The following DLG2 variants were observed in gnomAD, a reference collection of about 807,000 sequenced individuals.
The protein encoded by DLG2 is disks large homolog 2.
Under a neutral mutation model 132.5 loss-of-function variants are expected in DLG2, and 45 were observed. The ratio of observed to expected loss-of-function variants is 0.34; its 90% CI spans 0.27 to 0.44. DLG2 has a LOEUF of 0.44. DLG2 is among the 20% of genes least tolerant of loss of function. The pLI, the probability that DLG2 is intolerant of heterozygous loss-of-function variation, is 1.00. For missense variants in DLG2, 1,045 were observed against 1,196.9 expected (o/e 0.87, Z 1.87); for synonymous variants, 424 against 419.6 (o/e 1.01, Z -0.13).
intron 11 of DLG2, among the ~76,000 whole-genome samples, chr11:83,991,774 C>T (rs2093727927): frequency 1.3e-5 from 2 of 152,098 alleles, no homozygotes; most frequent in South Asian, 4.1e-4. Context: ...ACTCACATGG[C>T]ATCTGTTATA....
intron 2 of DLG2, among the ~76,000 whole-genome samples, chr11:85,608,396 C>G (rs1258138190): frequency 6.6e-6 from 1 of 152,142 alleles, no homozygotes; most frequent in East Asian, 1.9e-4. Context: ...GGAAGTATAA[C>G]TTACAATACT....
chr11:84,027,961 CCA>C (rs369387941), intron 11 of DLG2, among the ~76,000 whole-genome samples: 258 of 151,872 alleles, frequency 1.7e-3, no homozygotes, highest in African/African-American at 5.7e-3. Flanking sequence ...CAATAATCTA[CCA>C]GTGACAACAT....
At chr11:83,844,511 G>A (rs1565308910) in intron 16 of DLG2, among the ~76,000 whole-genome samples, 1 of 113,438 alleles carries the variant, frequency 8.8e-6, no homozygotes, top group African/African-American at 3.5e-5. Flanking sequence ...TCGCATCACT[G>A]CACTTTAGCT....
intron 7 of DLG2, among the ~76,000 whole-genome samples, chr11:84,457,721 C>G (rs897298098): frequency 3.3e-5 from 5 of 150,908 alleles, no homozygotes; most frequent in African/African-American, 1.2e-4. Context: ...ATTCTTCTCT[C>G]TCACGTTTTT....
chr11:85,516,412 C>T (rs1175148044), intron 3 of DLG2, among the ~76,000 whole-genome samples: 3 of 151,870 alleles, frequency 2.0e-5, no homozygotes, highest in Admixed American at 6.6e-5. Context: ...GGAACCAAAA[C>T]TGCAACTAGC....
At chr11:84,600,554 G>A (rs1310123949) in intron 6 of DLG2, among the ~76,000 whole-genome samples, 3 of 152,128 alleles carry the variant, frequency 2.0e-5, no homozygotes, top group Non-Finnish European at 2.9e-5. Context: ...TGGTTATGAG[G>A]ATATGACTAG....
chr11:84,041,412 T>G (rs1360068303), intron 11 of DLG2, among the ~76,000 whole-genome samples: 1 of 151,980 alleles, frequency 6.6e-6, no homozygotes, highest in South Asian at 2.1e-4. Context: ...CCAGCCTCCT[T>G]CAGCTCTCAG....
At chr11:85,020,931 T>G (rs1439085649) in intron 6 of DLG2, 1 of 772,082 alleles carries the variant, frequency 1.3e-6, no homozygotes. Context: ...TGCACCGCCC[T>G]CAGACTCCAA....
intron 6 of DLG2, among the ~76,000 whole-genome samples, chr11:85,059,065 T>A: frequency 6.6e-6 from 1 of 150,840 alleles, no homozygotes; most frequent in African/African-American, 2.4e-5. Flanking sequence ...AAAAGGAAAA[T>A]GCAAGAAAAA....
At chr11:85,352,944 A>G (rs1254467759) in intron 3 of DLG2, among the ~76,000 whole-genome samples, 3 of 152,230 alleles carry the variant, frequency 2.0e-5, no homozygotes, top group Admixed American at 6.5e-5. Context: ...CTTCATGTCT[A>G]AAACACCAAA....
intron 15 of DLG2, among the ~76,000 whole-genome samples, chr11:83,907,475 T>A (rs2075233942): frequency 6.6e-6 from 1 of 152,288 alleles, no homozygotes; most frequent in African/African-American, 2.4e-5. Context: ...GAACGAGAGT[T>A]ATTTTCAAAT....
chr11:84,900,326 A>T (rs940791081), intron 6 of DLG2, among the ~76,000 whole-genome samples: 1 of 152,120 alleles, frequency 6.6e-6, no homozygotes, highest in Non-Finnish European at 1.5e-5. Flanking sequence ...TAGCAAATTA[A>T]TTAGGTAATA....
intron 9 of DLG2, among the ~76,000 whole-genome samples, chr11:84,131,675 C>T (rs1229958035): frequency 1.3e-5 from 2 of 151,662 alleles, no homozygotes; most frequent in Non-Finnish European, 1.5e-5. Context: ...CACAATGGGC[C>T]TTATATGCAA....
chr11:85,257,136 C>A (rs2076711807), intron 4 of DLG2, among the ~76,000 whole-genome samples: 1 of 152,086 alleles, frequency 6.6e-6, no homozygotes, highest in Admixed American at 6.6e-5. Context: ...TGAATAATTT[C>A]ATGATATCTA....
intron 6 of DLG2, among the ~76,000 whole-genome samples, chr11:85,091,369 G>C (rs1339601730): frequency 6.6e-6 from 1 of 152,190 alleles, no homozygotes; most frequent in Non-Finnish European, 1.5e-5. Context: ...CTAGTAGAAG[G>C]TCTCACTTCA....
At chr11:84,290,873 C>A (rs955038568) in intron 7 of DLG2, among the ~76,000 whole-genome samples, 3 of 152,056 alleles carry the variant, frequency 2.0e-5, no homozygotes, top group Non-Finnish European at 4.4e-5. Context: ...ATGCTAAAAT[C>A]ACTCAGTGTT....
At chr11:84,082,973 C>A (rs2096925480) in intron 10 of DLG2, among the ~76,000 whole-genome samples, 1 of 152,124 alleles carries the variant, frequency 6.6e-6, no homozygotes, top group Admixed American at 6.5e-5. Context: ...TCAGATTTAG[C>A]TATCAAGAAA....
chr11:85,562,607 T>A (rs1233561646), intron 3 of DLG2, among the ~76,000 whole-genome samples: 1 of 151,826 alleles, frequency 6.6e-6, no homozygotes, highest in African/African-American at 2.4e-5. Flanking sequence ...CACTATACCA[T>A]GCTCACAGTC....
intron 3 of DLG2, among the ~76,000 whole-genome samples, chr11:85,480,921 C>A (rs1173614324): frequency 2.0e-5 from 3 of 152,144 alleles, no homozygotes; most frequent in Admixed American, 6.5e-5. Flanking sequence ...TCAAAATAGG[C>A]AAAACAGGAT....
Sources: allele counts gnomAD v4.1 joint callset (sites outside exome capture counted in the v4.1 genomes callset), GRCh38; gene constraint gnomAD v4.1.1; transcripts MANE v1.5; gene names NCBI Gene and HGNC (gene_info 2026-07-23, HGNC 2026-07-21).